Variants in ELF1 observed in about 807,000 individuals in gnomAD.
ELF1 encodes ETS-related transcription factor Elf-1.
A neutral mutation model predicts 59.9 loss-of-function variants in ELF1; 24 were observed. That is an observed-to-expected ratio of 0.40 (90% CI 0.29 to 0.56). The LOEUF is 0.56. Ranked by LOEUF, ELF1 falls within the 20% of genes least tolerant of loss-of-function variation. The pLI is 0.44. For missense variants in ELF1, 627 were observed against 742.2 expected (o/e 0.84, Z 1.80); for synonymous variants, 248 against 266.2 (o/e 0.93, Z 0.67).
intron 3 of ELF1, among the ~76,000 whole-genome samples, chr13:40,955,303 C>T (rs1156313788): frequency 1.2e-4 from 18 of 146,174 alleles, no homozygotes; most frequent in African/African-American, 3.3e-4. Context: ...CCCGGCCAGC[C>T]GCCCCGTCCG....
intron 1 of ELF1, among the ~76,000 whole-genome samples, chr13:41,040,803 C>A (rs1386293186): frequency 6.6e-6 from 1 of 152,084 alleles, no homozygotes; most frequent in Non-Finnish European, 1.5e-5. Context: ...GGGATCCCTG[C>A]ACAAAGAGTT....
At chr13:41,057,260 G>T (rs1031877527) in intron 1 of ELF1, among the ~76,000 whole-genome samples, 1 of 151,450 alleles carries the variant, frequency 6.6e-6, no homozygotes, top group Admixed American at 6.6e-5. Context: ...GGGCTCAATG[G>T]ATCCTCCCAC....
intron 1 of ELF1, among the ~76,000 whole-genome samples, chr13:41,029,016 T>C (rs569361533): frequency 2.8e-4 from 42 of 152,214 alleles, no homozygotes; most frequent in Non-Finnish European, 5.3e-4. Context: ...GTGCTGGGAT[T>C]ACAGGTGTGA....
chr13:41,005,450 C>CAAA (rs11383900), intron 1 of ELF1, among the ~76,000 whole-genome samples: 11 of 54,954 alleles, frequency 2.0e-4, no homozygotes, highest in South Asian at 6.9e-4. Flanking sequence ...TATACCTATC[C>CAAA]AAAAAAAAAA....
chr13:40,956,795 T>C (rs1022600638), intron 3 of ELF1, among the ~76,000 whole-genome samples: 1 of 150,802 alleles, frequency 6.6e-6, no homozygotes, highest in African/African-American at 2.4e-5. Flanking sequence ...CAGGTTCAAG[T>C]GATTCTCCTG....
chr13:40,939,424 T>C (rs1297651239), intron 8 of ELF1, among the ~76,000 whole-genome samples: 1 of 152,162 alleles, frequency 6.6e-6, no homozygotes, highest in African/African-American at 2.4e-5. Context: ...AAAAAGAATA[T>C]TTTGAATACA....
At chr13:41,045,650 T>G (rs769703958) in intron 1 of ELF1, among the ~76,000 whole-genome samples, 26 of 152,232 alleles carry the variant, frequency 1.7e-4, no homozygotes, top group Non-Finnish European at 3.4e-4. Context: ...AGAGACAGTT[T>G]GTTATAATTT....
intron 1 of ELF1, among the ~76,000 whole-genome samples, chr13:41,044,248 C>A (rs999313167): frequency 2.6e-5 from 4 of 152,094 alleles, no homozygotes; most frequent in African/African-American, 4.8e-5. Flanking sequence ...GCAAAGAGGG[C>A]CAATTTGATT....
At chr13:41,038,066 T>A (rs1162610281) in intron 1 of ELF1, among the ~76,000 whole-genome samples, 17 of 126,600 alleles carry the variant, frequency 1.3e-4, no homozygotes, top group East Asian at 2.3e-4. Flanking sequence ...GAAGAAACCT[T>A]AAAAAAAAAA....
Position 41,003,475 on chromosome 13 carries a change from G to A in ELF1, c.-229+15753C>T, listed in dbSNP as rs1874578909. On this transcript the variant is annotated intron_variant, in intron 1 of 8. Coordinates refer to ENST00000239882, the MANE Select transcript of ELF1 (RefSeq NM_172373.4). ...TAGTAACTTCTATCAATTTTTGGCT[G>A]GAAAAACTGTTAATATATAAACTTT... Among the ~76,000 whole-genome samples the A allele has an allele frequency of 2.2e-5, 3 of 138,364 alleles. No individual in the cohort carries two copies. In the South Asian group the frequency reaches 7.7e-4, roughly 35 times the overall value. 90.8% of individuals were successfully genotyped at this position (138,364 alleles called of 152,430 possible).
At chr13:40,982,455 A>G (rs1873329465) in intron 1 of ELF1, among the ~76,000 whole-genome samples, 173 bp from the exon 2 acceptor site, 2 of 151,906 alleles carry the variant, frequency 1.3e-5, no homozygotes, top group Non-Finnish European at 2.9e-5. Flanking sequence ...ATTTTATTTG[A>G]ACAGTTTGCT....
intron 1 of ELF1, among the ~76,000 whole-genome samples, chr13:41,040,257 C>T (rs778505633): frequency 1.3e-5 from 2 of 152,082 alleles, no homozygotes; most frequent in African/African-American, 2.4e-5. Context: ...TTATGTAAAT[C>T]GGGAAACGTC....
At chr13:40,946,594 C>T (rs1002085423) in intron 5 of ELF1, among the ~76,000 whole-genome samples, 5 of 152,138 alleles carry the variant, frequency 3.3e-5, no homozygotes, top group Admixed American at 6.5e-5. Flanking sequence ...GTGTCTCCTG[C>T]CTCCCCTTCC....
rs568962976 is a variant in ELF1, at chr13:41,024,585, A to G, written c.-229+36253T>C. On this transcript the variant is annotated intron_variant, in intron 1 of 1. Coordinates refer to the ELF1 transcript ENST00000405737. ...AGAGGCAGGGTTTTGCCATGTTGCC[A>G]AGGCTGGTCTCAAACTCCTGAGCTC... Among the ~76,000 whole-genome samples, 168 of 152,080 alleles carry G rather than the reference A, an allele frequency of 1.1e-3. 1 individual carries two copies. Among genetic ancestry groups the G allele is most frequent in the African/African-American group, 4.0e-3 (164 of 41,470 alleles).
intron 1 of ELF1, among the ~76,000 whole-genome samples, chr13:41,049,589 C>T (rs1012167015): frequency 6.6e-5 from 10 of 152,068 alleles, no homozygotes; most frequent in African/African-American, 2.4e-4. Flanking sequence ...CCCACCAGGC[C>T]TTTCATTTCC....
rs533445320 is a variant in ELF1 at position 41,049,402 on chromosome 13, A to C, written c.-229+11436T>G. ...AAAGACCAAGTGTACAAAAAAGTAC[A>C]TCATTTTTCTTGCTCCTATGCCATT... On this transcript the variant is annotated intron_variant, in intron 1 of 1. Transcript: ENST00000405737. 1.3e-4 allele frequency among the ~76,000 whole-genome samples: 20 copies of C among 152,312 alleles called. No individual in the cohort carries two copies. The East Asian group carries it at 3.7e-3, about 28-fold the overall frequency.
rs545057647 is a variant in ELF1 at position 40,995,951 on chromosome 13, ATCTAAAAT to A, written c.-228-13677_-228-13670del. 1.9e-3 allele frequency among the ~76,000 whole-genome samples: 291 copies of A among 152,334 alleles called. 1 individual carries two copies. Among genetic ancestry groups the A allele is most frequent in the African/African-American group, 6.7e-3 (280 of 41,578 alleles). On this transcript the variant is annotated intron_variant, in intron 1 of 8. Coordinates refer to ENST00000239882, the MANE Select transcript of ELF1 (RefSeq NM_172373.4). ...ACAAACCACAGATTAAAGGACTGTTATCTAAAATATGCAAGGACCTCTCAAAACTCAGA... is the reference window on the plus strand; with the variant it reads ...ACAAACCACAGATTAAAGGACTGTTAATGCAAGGACCTCTCAAAACTCAGA...
chr13:41,020,403 A>G (rs1875642823), upstream of ELF1, among the ~76,000 whole-genome samples: 1 of 152,182 alleles, frequency 6.6e-6, no homozygotes. Flanking sequence ...AGTAAATAGG[A>G]TTTAGCAAGG....
intron 1 of ELF1, among the ~76,000 whole-genome samples, chr13:41,000,237 C>CTTTTTTTTTTTTTTTTTT (rs55938711): frequency 1.8e-5 from 1 of 54,722 alleles, no homozygotes; most frequent in African/African-American, 7.7e-5. Context: ...TTGAACCTGG[C>CTTTTTTTTTTTTTTTTTT]TTTTTTTTTT....
Sources: gnomAD v4.1 joint callset for allele counts (sites outside exome capture counted in the v4.1 genomes callset) on GRCh38, gnomAD v4.1.1 for gene constraint, MANE v1.5 for transcripts, NCBI Gene and HGNC (gene_info 2026-07-23, HGNC 2026-07-21) for gene names.